IL1RAPL1: variants seen among roughly 807,000 people sequenced by gnomAD.
IL1RAPL1 encodes interleukin 1 receptor accessory protein like 1, also known as interleukin-1 receptor accessory protein-like 1.
IL1RAPL1 carries 3 observed loss-of-function variants against 48.4 expected under a neutral mutation model. That is an observed-to-expected ratio of 0.06 (90% confidence interval 0.03 to 0.16). The LOEUF (loss-of-function observed/expected upper bound fraction) is 0.16, where lower values mean the gene tolerates loss of function less well. IL1RAPL1 is among the 10% of genes least tolerant of loss of function. The pLI, the probability that IL1RAPL1 is intolerant of heterozygous loss-of-function variation, is 1.00. For synonymous variants in IL1RAPL1, 185 were observed against 187.7 expected, an observed-to-expected ratio of 0.99 and a Z score of 0.12; for missense variants, 349 against 530.6, an observed-to-expected ratio of 0.66 and a Z score of 3.36.
At chrX:29,895,498 C>CGCACCACT (rs763378423) in intron 6 of IL1RAPL1, among the ~76,000 whole-genome samples, 4 of 112,465 alleles carry the variant, frequency 3.6e-5, no homozygotes, top group African/African-American at 9.7e-5. Context: ...TGAGCAAGAT[C>CGCACCACT]GCACCACTGC....
Position 29,069,669 on chromosome X carries a change from A to ACACACACACC in IL1RAPL1, c.83-213268_83-213267insACACACACCC, listed in dbSNP as rs1491196944. On this transcript the variant is annotated intron_variant, in intron 2 of 10. Transcript: ENST00000378993. The stretch of plus-strand genomic sequence containing the variant: ...CACACACACACACACACACACACAC[A>ACACACACACC]CCCCTCCCCTTCACAGTTTTTATAT... Among the ~76,000 whole-genome samples the ACACACACACC allele has an allele frequency of 3.8e-4, 39 of 101,494 alleles. 1 individual carries two copies. Among genetic ancestry groups the ACACACACACC allele is most frequent in the Middle Eastern group, 4.9e-3 (1 of 203 alleles). 88.1% of individuals were successfully genotyped at this position (101,494 alleles called of 115,157 possible). A position where few individuals can be genotyped will look rare whatever the true frequency, so the allele number is the denominator to read the frequency against.
At chrX:29,508,578 C>G (rs764066012) in intron 5 of IL1RAPL1, among the ~76,000 whole-genome samples, 1 of 111,722 alleles carries the variant, frequency 9.0e-6, no homozygotes, top group African/African-American at 3.3e-5. Context: ...TTTACATTGT[C>G]TATATAAATT....
chrX:28,694,748 C>G (rs944457618), intron 1 of IL1RAPL1, among the ~76,000 whole-genome samples: 1 of 112,040 alleles, frequency 8.9e-6, no homozygotes. Flanking sequence ...TCCAGCTACA[C>G]CCACATCTTA....
intron 2 of IL1RAPL1, among the ~76,000 whole-genome samples, chrX:28,851,847 T>C (rs1921670505): frequency 8.9e-6 from 1 of 112,394 alleles, no homozygotes; most frequent in Admixed American, 9.5e-5. Flanking sequence ...AAGCCACTAT[T>C]TGAAAATGTA....
At chrX:29,490,128 C>T (rs575669668) in intron 5 of IL1RAPL1, among the ~76,000 whole-genome samples, 4 of 110,752 alleles carry the variant, frequency 3.6e-5, no homozygotes, top group African/African-American at 9.9e-5. Flanking sequence ...GTGACAATTC[C>T]AGGCAGCATG....
At chrX:29,463,589 A>T (rs186612907) in intron 5 of IL1RAPL1, among the ~76,000 whole-genome samples, 258 of 111,839 alleles carry the variant, frequency 2.3e-3, no homozygotes, top group African/African-American at 8.1e-3. Context: ...GAATAACTTA[A>T]TTACCCATTC....
chrX:29,333,368 C>T (rs1602176861), intron 3 of IL1RAPL1, among the ~76,000 whole-genome samples: 2 of 104,511 alleles, frequency 1.9e-5, no homozygotes. Context: ...CAGAGGCGCC[C>T]CTCACCTCCT....
At chrX:29,140,997 A>G (rs1929232295) in intron 2 of IL1RAPL1, among the ~76,000 whole-genome samples, 1 of 111,123 alleles carries the variant, frequency 9.0e-6, no homozygotes, top group Non-Finnish European at 1.9e-5. Context: ...AATAATAACT[A>G]TCTGTCTTAT....
At chrX:29,243,711 A>G (rs1326912224) in intron 2 of IL1RAPL1, among the ~76,000 whole-genome samples, 1 of 111,452 alleles carries the variant, frequency 9.0e-6, no homozygotes, top group Non-Finnish European at 1.9e-5. Flanking sequence ...CATTTTTCTA[A>G]CATCTTTTCT....
intron 6 of IL1RAPL1, among the ~76,000 whole-genome samples, chrX:29,834,737 G>T (rs1930956445): frequency 9.0e-6 from 1 of 111,557 alleles, no homozygotes; most frequent in Admixed American, 9.5e-5. Flanking sequence ...TACATGACTG[G>T]TTAAGCAAAA....
Position 29,819,764 on chromosome X carries a change from G to A in IL1RAPL1, c.779-97700G>A, listed in dbSNP as rs376223161. Among the ~76,000 whole-genome samples, 24 of 107,356 alleles carry A rather than the reference G, an allele frequency of 2.2e-4. No individual in the cohort carries two copies. The East Asian group carries it at 3.5e-3, about 15-fold the overall frequency. 93.2% of individuals were successfully genotyped at this position (107,356 alleles called of 115,157 possible). A position where few individuals can be genotyped will look rare whatever the true frequency, so the allele number is the denominator to read the frequency against. ...TACTCTTAATTAAAGTTGAGATAAA[G>A]ATATATCTGTGAGATAGTTTACCAA... On this transcript the variant is annotated intron_variant, in intron 6 of 10. Transcript: ENST00000378993.
chrX:29,723,678 C>A (rs1480559628), intron 6 of IL1RAPL1, among the ~76,000 whole-genome samples: 1 of 112,396 alleles, frequency 8.9e-6, no homozygotes, highest in African/African-American at 3.2e-5. Context: ...ACTGCTTCCA[C>A]ATGAGATAAT....
At chrX:29,802,562 A>G (rs1046571369) in intron 6 of IL1RAPL1, among the ~76,000 whole-genome samples, 9 of 100,210 alleles carry the variant, frequency 9.0e-5, no homozygotes, top group East Asian at 3.2e-4. Context: ...GATATTATCA[A>G]ATTGCTGTGA....
chrX:29,638,687 C>T (rs767295207), intron 5 of IL1RAPL1, among the ~76,000 whole-genome samples: 7 of 111,681 alleles, frequency 6.3e-5, no homozygotes, highest in Middle Eastern at 4.6e-3. Context: ...TCATTTGGCT[C>T]TAATGTGAAC....
intron 2 of IL1RAPL1, among the ~76,000 whole-genome samples, chrX:29,086,800 A>G (rs1927962521): frequency 8.9e-6 from 1 of 112,170 alleles, no homozygotes; most frequent in Non-Finnish European, 1.9e-5. Flanking sequence ...TAGGGAAAAT[A>G]TAATAGCTAT....
At position 28,905,191 on chromosome X, in the gene IL1RAPL1, AC is replaced by A. The variant is rs758968217; in HGVS notation, c.82+115767del. On this transcript the variant is annotated intron_variant, in intron 2 of 10. Coordinates refer to ENST00000378993, the MANE Select transcript of IL1RAPL1 (RefSeq NM_014271.4). ...TCATTTTCTATGCATTATTATTATC[AC>A]TACTAATCTGTAATTTTATAGTATT... Among the ~76,000 whole-genome samples, 146 of 111,397 alleles carry A rather than the reference AC, an allele frequency of 1.3e-3. 2 individuals are homozygous for A. Among genetic ancestry groups the A allele is most frequent in the South Asian group, 3.7e-3 (10 of 2,703 alleles).
intron 1 of IL1RAPL1, among the ~76,000 whole-genome samples, chrX:28,638,883 G>T (rs1934499478): frequency 9.0e-6 from 1 of 110,851 alleles, no homozygotes; most frequent in Admixed American, 9.7e-5. Context: ...TGTAAGTTGT[G>T]CCGCAATTTG....
intron 5 of IL1RAPL1, among the ~76,000 whole-genome samples, chrX:29,429,880 ATGTG>A (rs746046525): frequency 1.1e-5 from 1 of 92,502 alleles, no homozygotes; most frequent in African/African-American, 4.2e-5. Context: ...GTGTATATAT[ATGTG>A]TGTGTGTGTG....
At chrX:29,672,188 C>T (rs772659527) in intron 6 of IL1RAPL1, among the ~76,000 whole-genome samples, 1 of 111,375 alleles carries the variant, frequency 9.0e-6, no homozygotes, top group Admixed American at 9.6e-5. Flanking sequence ...TACACTTTCC[C>T]TCTGACTCTA....
Sources: allele counts gnomAD v4.1 joint callset (sites outside exome capture counted in the v4.1 genomes callset), GRCh38; gene constraint gnomAD v4.1.1; transcripts MANE v1.5; gene names NCBI Gene and HGNC (gene_info 2026-07-23, HGNC 2026-07-21).